The following PCDHGA2 variants were observed in gnomAD, a reference collection of about 807,000 sequenced individuals.
PCDHGA2 encodes the protein protocadherin gamma-A2.
In PCDHGA2, 40 loss-of-function variants were observed where a neutral mutation model predicts 59.2. The ratio of observed to expected loss-of-function variants is 0.68; its 90% confidence interval spans 0.52 to 0.88. PCDHGA2 has a LOEUF of 0.88. Ranked by LOEUF, PCDHGA2 falls within the 40% of genes least tolerant of loss-of-function variation. The probability of loss-of-function intolerance (pLI) is 0.00; values close to 1 mark genes in which losing one functional copy is unlikely to be tolerated. For synonymous variants in PCDHGA2, 560 were observed against 526.0 expected, an observed-to-expected ratio of 1.06 and a Z score of -0.89; for missense variants, 1,226 against 1,204.0, an observed-to-expected ratio of 1.02 and a Z score of -0.27.
intron 1 of PCDHGA2, chr5:141,351,085 C>A (rs760611278): frequency 6.2e-7 from 1 of 1,614,034 alleles, no homozygotes; most frequent in Non-Finnish European, 8.5e-7. Context: ...CAGAGATCAC[C>A]TATGCCTTCC....
intron 1 of PCDHGA2, chr5:141,367,812 C>T (rs1012186611): frequency 2.6e-5 from 4 of 151,872 alleles, no homozygotes; most frequent in African/African-American, 9.7e-5. Context: ...ATAGATAAAC[C>T]CTTTACTTAT....
intron 1 of PCDHGA2, chr5:141,419,490 C>G (rs2096390495): frequency 8.1e-6 from 13 of 1,612,414 alleles, no homozygotes; most frequent in Non-Finnish European, 1.1e-5. Context: ...GCGCTCAGCG[C>G]CAATGTGAGC....
At chr5:141,362,396 T>A (rs1251687072) in intron 1 of PCDHGA2, 1 of 1,613,940 alleles carries the variant, frequency 6.2e-7, no homozygotes, top group African/African-American at 1.3e-5. Flanking sequence ...TCCTACAACC[T>A]GTGTGTTGCC....
At chr5:141,397,304 A>G (rs1206880219) in intron 1 of PCDHGA2, among the ~76,000 whole-genome samples, 2 of 152,202 alleles carry the variant, frequency 1.3e-5, no homozygotes, top group Non-Finnish European at 2.9e-5. Context: ...TATTTCCTGA[A>G]GTAGAAGAGT....
At chr5:141,346,202 C>T (rs753036053) in intron 1 of PCDHGA2, 74 of 1,614,004 alleles carry the variant, frequency 4.6e-5, no homozygotes, top group Middle Eastern at 3.3e-4. Flanking sequence ...ACAAGTCACG[C>T]CTGCTGCAGG....
chr5:141,371,565 C>A (rs373548501), intron 1 of PCDHGA2: 57 of 1,613,742 alleles, frequency 3.5e-5, no homozygotes, highest in Non-Finnish European at 4.6e-5. Context: ...AGGAAACTTC[C>A]CCTTTAAAAT....
At chr5:141,422,606 C>T in intron 1 of PCDHGA2, 1 of 1,613,904 alleles carries the variant, frequency 6.2e-7, no homozygotes, top group Non-Finnish European at 8.5e-7. Flanking sequence ...TCTTACTCTG[C>T]CTACATTCCC....
At chr5:141,350,388 C>T in intron 1 of PCDHGA2, 1 of 1,596,148 alleles carries the variant, frequency 6.3e-7, no homozygotes, top group Non-Finnish European at 8.6e-7. Flanking sequence ...GCCAACGGCT[C>T]ACGGGTGGGG....
At chr5:141,421,436 G>C (rs373015809) in intron 1 of PCDHGA2, 6 of 1,613,994 alleles carry the variant, frequency 3.7e-6, no homozygotes, top group African/African-American at 2.7e-5. Context: ...ATCGTCTCCA[G>C]AGGGAAGACA....
At chr5:141,441,827 A>G (rs1344314632) in intron 1 of PCDHGA2, 1 of 355,628 alleles carries the variant, frequency 2.8e-6, no homozygotes, top group Non-Finnish European at 5.6e-6. Flanking sequence ...CTGGAGCGCA[A>G]TGGCTTCGCG....
chr5:141,393,134 C>T (rs755308269), intron 1 of PCDHGA2: 2 of 1,613,390 alleles, frequency 1.2e-6, no homozygotes, highest in South Asian at 2.2e-5. Flanking sequence ...TAAATATTAA[C>T]ACCCTGGTTG....
At position 141,490,821 on chromosome 5, in the gene PCDHGA2, G is replaced by A. The variant is rs907584239; in HGVS notation, c.2425-3986G>A. On this transcript the variant is annotated intron_variant, in intron 1 of 3. Transcript: ENST00000394576. The surrounding 1 kb of genome is among the most constrained non-coding windows in gnomAD (Gnocchi z 5.4). ...AGCGTACCTTTGACTATGAATTGCT[G>A]CAGATGCTGCAGATTGTGGTGGGGG... 6.2e-7 allele frequency: 1 copy of A among 1,613,876 alleles called. No homozygotes were observed. Among genetic ancestry groups the A allele is most frequent in the Non-Finnish European group, 8.5e-7 (1 of 1,179,826 alleles).
In PCDHGA2 at chr5:141,511,421, G is replaced by A. The variant is rs1289887363; in HGVS notation, c.*248G>A. 19 of 829,148 alleles carry A rather than the reference G, an allele frequency of 2.3e-5. No individual in the cohort carries two copies. The highest frequency in any genetic ancestry group is 3.8e-4 in the Middle Eastern group (1 of 2,640). 51.4% of individuals were successfully genotyped at this position (829,148 alleles called of 1,614,324 possible). On this transcript the variant is annotated 3_prime_UTR_variant, in exon 4 of 4. Coordinates refer to ENST00000394576, the MANE Select transcript of PCDHGA2 (RefSeq NM_018915.4). The stretch of plus-strand genomic sequence containing the variant: ...CCAATCAACTGCTGTACCCATGGGG[G>A]TAGTGGGGTTACTGTAGACACCAAG...
intron 1 of PCDHGA2, among the ~76,000 whole-genome samples, chr5:141,456,621 G>T (rs6885794): frequency 0.55 from 83,339 of 152,038 alleles, 25,195 homozygotes; most frequent in African/African-American, 0.82. Context: ...CTGTAGATTT[G>T]CCTCTTCTTT....
chr5:141,427,907 C>T, intron 1 of PCDHGA2: 1 of 1,575,688 alleles, frequency 6.3e-7, no homozygotes, highest in Non-Finnish European at 8.7e-7. Flanking sequence ...CCGCGCTCAG[C>T]GCCAACATGA....
At chr5:141,472,849 G>C (rs966051912) in intron 1 of PCDHGA2, among the ~76,000 whole-genome samples, 1 of 151,340 alleles carries the variant, frequency 6.6e-6, no homozygotes, top group East Asian at 2.0e-4. Flanking sequence ...AGCTGGGCAT[G>C]GTGGCACATG....
chr5:141,430,383 G>GAAA (rs139772145), intron 1 of PCDHGA2, among the ~76,000 whole-genome samples: 2 of 138,566 alleles, frequency 1.4e-5, no homozygotes, highest in South Asian at 4.6e-4. Flanking sequence ...AGCTCATTGG[G>GAAA]AAAAAAAAAA....
chr5:141,423,061 G>T, intron 1 of PCDHGA2: 2 of 1,614,160 alleles, frequency 1.2e-6, no homozygotes, highest in Non-Finnish European at 1.7e-6. Context: ...CCTGCTTAAG[G>T]CCAGCGAGCC....
intron 1 of PCDHGA2, chr5:141,371,522 T>C: frequency 3.1e-6 from 5 of 1,613,848 alleles, no homozygotes; most frequent in Non-Finnish European, 4.2e-6. Context: ...ATCTAGATTC[T>C]GGATTTAATG....
Sources: allele counts gnomAD v4.1 joint callset (sites outside exome capture counted in the v4.1 genomes callset), GRCh38; gene constraint gnomAD v4.1.1; non-coding constraint Gnocchi (gnomAD v3.1); transcripts MANE v1.5; gene names NCBI Gene and HGNC (gene_info 2026-07-23, HGNC 2026-07-21).